The following AFG2A variants were observed in gnomAD, a reference collection of about 807,000 sequenced individuals.
The protein encoded by AFG2A is AAA ATPase AFG2A, also known as ATPase family gene 2 protein homolog A.
the AFG2A span, among the ~76,000 whole-genome samples, chr4:122,987,741 G>A: frequency 1.3e-5 from 2 of 152,068 alleles, no homozygotes; most frequent in Non-Finnish European, 2.9e-5. Context: ...CTGATGTCAC[G>A]TTTTGCATCT....
chr4:123,297,491 G>A, the AFG2A span, among the ~76,000 whole-genome samples: 1 of 152,162 alleles, frequency 6.6e-6, no homozygotes, highest in Admixed American at 6.5e-5. Context: ...GGAGGCCGAG[G>A]CTGGCAGATC....
chr4:123,026,466 AT>A, the AFG2A span, among the ~76,000 whole-genome samples: 5 of 152,220 alleles, frequency 3.3e-5, no homozygotes, highest in African/African-American at 9.6e-5. Context: ...TTGCAAAAAA[AT>A]CTCATAATAT....
the AFG2A span, among the ~76,000 whole-genome samples, chr4:123,196,533 AT>A: frequency 1.4e-4 from 21 of 150,518 alleles, no homozygotes; most frequent in Admixed American, 2.7e-4. Context: ...CACACAAAAC[AT>A]TTTTTTTTTC....
the AFG2A span, among the ~76,000 whole-genome samples, chr4:122,950,189 T>A: frequency 1.3e-5 from 2 of 152,324 alleles, no homozygotes; most frequent in African/African-American, 4.8e-5. Flanking sequence ...AGCCAACTCC[T>A]ATAGGAGTTG....
At chr4:123,017,249 G>GGAGAGCGAGAGC in the AFG2A span, among the ~76,000 whole-genome samples, 28 of 133,484 alleles carry the variant, frequency 2.1e-4, no homozygotes, top group Admixed American at 1.1e-3. Context: ...AGAGGGAGAG[G>GGAGAGCGAGAGC]GAGAGCGAGA....
the AFG2A span, among the ~76,000 whole-genome samples, chr4:122,930,157 C>A: frequency 3.3e-5 from 5 of 152,260 alleles, no homozygotes; most frequent in East Asian, 7.7e-4. Context: ...TAAAACAAAC[C>A]GTCATTACTA....
the AFG2A span, chr4:123,256,330 G>A: frequency 4.7e-6 from 4 of 843,080 alleles, no homozygotes; most frequent in Non-Finnish European, 7.1e-6. Context: ...TAGTCACTAA[G>A]TTAAATTGCA....
the AFG2A span, among the ~76,000 whole-genome samples, chr4:123,179,046 A>G: frequency 1.3e-5 from 2 of 152,196 alleles, no homozygotes; most frequent in Non-Finnish European, 2.9e-5. Flanking sequence ...CCATTCCTAG[A>G]TATATCATTT....
the AFG2A span, among the ~76,000 whole-genome samples, chr4:123,273,099 A>G: frequency 6.6e-6 from 1 of 152,118 alleles, no homozygotes; most frequent in Non-Finnish European, 1.5e-5. Context: ...AAATATAGAC[A>G]ATTTCTTAGG....
chr4:123,032,925 A>G, the AFG2A span, among the ~76,000 whole-genome samples: 1 of 152,226 alleles, frequency 6.6e-6, no homozygotes, highest in African/African-American at 2.4e-5. Flanking sequence ...CTGATCTAAA[A>G]TATGATGTTC....
At chr4:123,128,035 T>C in the AFG2A span, among the ~76,000 whole-genome samples, 1 of 152,178 alleles carries the variant, frequency 6.6e-6, no homozygotes, top group Non-Finnish European at 1.5e-5. Flanking sequence ...AATGAGAAGA[T>C]TCTGAAAAAC....
At chr4:123,111,707 A>ACTTATT in the AFG2A span, among the ~76,000 whole-genome samples, 1 of 150,462 alleles carries the variant, frequency 6.6e-6, no homozygotes, top group Non-Finnish European at 1.5e-5. Context: ...TTTGTATTAT[A>ACTTATT]CTTCTTCTTC....
At chr4:123,124,531 T>C in the AFG2A span, among the ~76,000 whole-genome samples, 3 of 136,650 alleles carry the variant, frequency 2.2e-5, no homozygotes, top group African/African-American at 4.9e-5. Context: ...GAGATATACG[T>C]AATGTAAATG....
At chr4:122,965,007 TA>T in the AFG2A span, among the ~76,000 whole-genome samples, 8 of 152,096 alleles carry the variant, frequency 5.3e-5, no homozygotes, top group Admixed American at 3.3e-4. Flanking sequence ...AAGTACATTT[TA>T]AAAAAAGGAG....
chr4:123,113,724 C>T, the AFG2A span, among the ~76,000 whole-genome samples: 1 of 152,348 alleles, frequency 6.6e-6, no homozygotes, highest in African/African-American at 2.4e-5. Context: ...GACCAGCAAC[C>T]TCTGTGGCCA....
At chr4:122,994,392 A>G in the AFG2A span, among the ~76,000 whole-genome samples, 1 of 152,178 alleles carries the variant, frequency 6.6e-6, no homozygotes, top group Non-Finnish European at 1.5e-5. Flanking sequence ...TTCATATATT[A>G]TCGTTGTGAT....
chr4:122,946,240 G>A, the AFG2A span, among the ~76,000 whole-genome samples: 2 of 152,202 alleles, frequency 1.3e-5, no homozygotes, highest in Non-Finnish European at 2.9e-5. Context: ...TAATTACAAG[G>A]GTTCTTGGTA....
the AFG2A span, among the ~76,000 whole-genome samples, chr4:123,174,146 A>G: frequency 6.6e-6 from 1 of 152,234 alleles, no homozygotes; most frequent in Non-Finnish European, 1.5e-5. Flanking sequence ...TATACTTTCA[A>G]GCAAGCTATA....
chr4:123,190,742 A>G, the AFG2A span, among the ~76,000 whole-genome samples: 2 of 152,154 alleles, frequency 1.3e-5, no homozygotes, highest in African/African-American at 4.8e-5. Context: ...ATATTGAGGC[A>G]TTTCATTATT....
Sources: gnomAD v4.1 joint callset for allele counts (sites outside exome capture counted in the v4.1 genomes callset) on GRCh38, gnomAD v4.1.1 for gene constraint, MANE v1.5 for transcripts, NCBI Gene and HGNC (gene_info 2026-07-23, HGNC 2026-07-21) for gene names.